UBR2: variants seen among roughly 807,000 people sequenced by gnomAD.
UBR2 encodes the protein E3 ubiquitin-protein ligase UBR2.
Under a neutral mutation model 247.9 loss-of-function variants are expected in UBR2, and 92 were observed. The ratio of observed to expected loss-of-function variants is 0.37; its 90% CI spans 0.31 to 0.44. The LOEUF is 0.44. Ranked by LOEUF, UBR2 falls within the 20% of genes least tolerant of loss-of-function variation. The pLI is 1.00. For missense variants in UBR2, 1,613 were observed against 2,112.6 expected, an observed-to-expected ratio of 0.76 and a Z score of 4.64; for synonymous variants, 672 against 693.5, an observed-to-expected ratio of 0.97 and a Z score of 0.49.
chr6:42,576,719 C>A (rs921249442), intron 2 of UBR2, among the ~76,000 whole-genome samples: 5 of 151,940 alleles, frequency 3.3e-5, no homozygotes, highest in Non-Finnish European at 7.4e-5. Flanking sequence ...TGGGGTTTCA[C>A]CACATTGGCC....
At chr6:42,646,199 AAG>A (rs755402218) in intron 21 of UBR2, among the ~76,000 whole-genome samples, 16 of 152,290 alleles carry the variant, frequency 1.1e-4, no homozygotes, top group Non-Finnish European at 2.2e-4. Context: ...TATAATTGAG[AAG>A]AGACTTTATT....
At position 42,659,636 on chromosome 6, in the gene UBR2, T is replaced by A. The variant is rs1279728340; in HGVS notation, c.3243-20T>A. ...AAAGTTTTGGGATCATTAATTATAT[T>A]CATAACCTTTGTATTGCAGCCCTGT... is the stretch of plus-strand genomic sequence containing the variant. On this transcript the variant is annotated intron_variant, in intron 29 of 46. Transcript: ENST00000372901. This position sits in a 1 kb window ranked among gnomAD's most constrained non-coding sequence, Gnocchi z 4.3. 6.2e-7 allele frequency: 1 copy of A among 1,606,788 alleles called. No individual in the cohort carries two copies. Among genetic ancestry groups the A allele is most frequent in the Non-Finnish European group, 8.5e-7 (1 of 1,175,654 alleles).
chr6:42,646,618 T>C (rs1416602747), intron 21 of UBR2, among the ~76,000 whole-genome samples: 1 of 152,072 alleles, frequency 6.6e-6, no homozygotes. Context: ...ATGCTACTGG[T>C]ATCTAGTGGG....
chr6:42,632,069 A>ATATATATATATATATATAT (rs1554254887), intron 11 of UBR2, among the ~76,000 whole-genome samples: 4 of 114,074 alleles, frequency 3.5e-5, no homozygotes, highest in African/African-American at 1.4e-4. Flanking sequence ...AAAAAAAAAA[A>ATATATATATATATATATAT]ATATATATAT....
intron 2 of UBR2, 46 bp downstream of exon 2, chr6:42,574,039 A>C: frequency 6.8e-7 from 1 of 1,466,098 alleles, no homozygotes. Context: ...GTTTTATTTG[A>C]CCTCTTTTTT....
intron 30 of UBR2, among the ~76,000 whole-genome samples, chr6:42,661,205 G>A (rs1290314687): frequency 6.6e-6 from 1 of 151,544 alleles, no homozygotes; most frequent in Admixed American, 6.6e-5. Flanking sequence ...GGAGAATGGC[G>A]TGAACCCAGG....
At chr6:42,614,252 A>G (rs1369596408) in intron 8 of UBR2, among the ~76,000 whole-genome samples, 1 of 144,416 alleles carries the variant, frequency 6.9e-6, no homozygotes, top group Admixed American at 7.0e-5. Flanking sequence ...ACACGCGCGC[A>G]CATATATATA....
intron 11 of UBR2, among the ~76,000 whole-genome samples, chr6:42,618,495 A>AT (rs1794699908): frequency 6.6e-6 from 1 of 152,206 alleles, no homozygotes; most frequent in African/African-American, 2.4e-5. Context: ...GATATATTCT[A>AT]ATACAGTGGA....
intron 8 of UBR2, among the ~76,000 whole-genome samples, chr6:42,613,018 T>A (rs2151935853): frequency 6.6e-6 from 1 of 152,234 alleles, no homozygotes; most frequent in Non-Finnish European, 1.5e-5. Flanking sequence ...GGAGAATCAC[T>A]TGAACCCAGG....
chr6:42,658,904 G>A (rs865785864), intron 29 of UBR2, 80 bp downstream of exon 29: 5 of 1,375,806 alleles, frequency 3.6e-6, no homozygotes, highest in Middle Eastern at 4.5e-4. Flanking sequence ...CTCCTTGTAA[G>A]TATACTTTTA....
chr6:42,653,096 T>C (rs533119296), intron 25 of UBR2, among the ~76,000 whole-genome samples: 75 of 152,316 alleles, frequency 4.9e-4, no homozygotes, highest in African/African-American at 1.7e-3. Context: ...GTTTTTGTGT[T>C]TTTGAGACAG....
At position 42,688,405 on chromosome 6, in the gene UBR2, T is replaced by A. The variant is rs1799566007; in HGVS notation, c.5024+19T>A. ...TCCTGAGGTAAGGACCTGCAGGGGCTTTTTAGCTTTGGATCTGCCTCAGTA... is the reference window on the plus strand; with the variant it reads ...TCCTGAGGTAAGGACCTGCAGGGGCATTTTAGCTTTGGATCTGCCTCAGTA... On this transcript the variant is annotated intron_variant, in intron 45 of 46. Transcript: ENST00000372901. 1 of 1,610,550 alleles carries A rather than the reference T, an allele frequency of 6.2e-7. No individual in the cohort carries two copies. Among genetic ancestry groups the A allele is most frequent in the East Asian group, 2.2e-5 (1 of 44,858 alleles).
rs1796337124 is a variant in UBR2 at position 42,640,129 on chromosome 6, G to GT, written c.1859-78dup. The GT allele has an allele frequency of 4.4e-6, 5 of 1,133,882 alleles. No homozygotes were observed. The East Asian group carries it at 1.2e-4, about 27-fold the overall frequency. The allele number at this position is 1,133,882 out of a possible 1,614,324, so 70.2% of individuals were successfully genotyped here. ...AAAGAGAAAAGAAGTTAGATATAAA[G>GT]TTGAGTGAATATTTAGGGTATTTTT... On this transcript the variant is annotated intron_variant, in intron 15 of 46. Transcript: ENST00000372901.
intron 4 of UBR2, among the ~76,000 whole-genome samples, chr6:42,603,130 G>A (rs1240595903): frequency 1.3e-5 from 2 of 152,132 alleles, no homozygotes; most frequent in African/African-American, 2.4e-5. Context: ...GCAGTTTTCT[G>A]AAAGTCATGA....
intron 1 of UBR2, among the ~76,000 whole-genome samples, chr6:42,570,294 G>A (rs1335587109): frequency 6.6e-6 from 1 of 152,164 alleles, no homozygotes; most frequent in Admixed American, 6.5e-5. Flanking sequence ...GTACAGTGGC[G>A]TGATCTAGGC....
intron 9 of UBR2, among the ~76,000 whole-genome samples, chr6:42,615,457 T>A (rs1794484099): frequency 6.6e-6 from 1 of 152,142 alleles, no homozygotes; most frequent in Admixed American, 6.5e-5. Context: ...ATTTTGCTCC[T>A]TTTTTGAAGG....
intron 41 of UBR2, among the ~76,000 whole-genome samples, chr6:42,678,957 T>G (rs1314152611): frequency 6.6e-6 from 1 of 152,252 alleles, no homozygotes; most frequent in Non-Finnish European, 1.5e-5. Flanking sequence ...TGTTCAGTTA[T>G]GTATTATTCA....
chr6:42,605,485 T>C (rs973286571), intron 5 of UBR2, among the ~76,000 whole-genome samples: 1 of 152,196 alleles, frequency 6.6e-6, no homozygotes, highest in African/African-American at 2.4e-5. Flanking sequence ...AGGCCTGTTA[T>C]ACCCTGCTCT....
intron 1 of UBR2, among the ~76,000 whole-genome samples, chr6:42,567,891 A>C (rs1251001019): frequency 6.6e-6 from 1 of 151,986 alleles, no homozygotes; most frequent in Non-Finnish European, 1.5e-5. Flanking sequence ...AAATAAAATA[A>C]AATAAATAAG....
Sources: gnomAD v4.1 joint callset for allele counts (sites outside exome capture counted in the v4.1 genomes callset) on GRCh38, gnomAD v4.1.1 for gene constraint, Gnocchi (gnomAD v3.1) non-coding constraint, MANE v1.5 for transcripts, NCBI Gene and HGNC (gene_info 2026-07-23, HGNC 2026-07-21) for gene names.